RGS7: variants seen among roughly 807,000 people sequenced by gnomAD.
RGS7 encodes the protein regulator of G-protein signaling 7.
In RGS7, 27 loss-of-function variants were observed where a neutral mutation model predicts 81.1. The observed-to-expected ratio is 0.33, with a 90% CI of 0.25 to 0.46. The LOEUF (loss-of-function observed/expected upper bound fraction) is 0.46, where lower values mean the gene tolerates loss of function less well. RGS7 is among the 20% of genes least tolerant of loss of function. The pLI is 1.00. For synonymous variants in RGS7, 208 were observed against 207.7 expected, an observed-to-expected ratio of 1.00 and a Z score of -0.01; for missense variants, 396 against 607.4, an observed-to-expected ratio of 0.65 and a Z score of 3.66.
At chr1:241,193,573 G>T (rs1257621126) in intron 2 of RGS7, among the ~76,000 whole-genome samples, 1 of 152,182 alleles carries the variant, frequency 6.6e-6, no homozygotes, top group Non-Finnish European at 1.5e-5. Context: ...TGTTCAATAA[G>T]CATAAATTAA....
intron 6 of RGS7, among the ~76,000 whole-genome samples, chr1:240,886,750 A>G (rs1572601068): frequency 6.6e-6 from 1 of 152,212 alleles, no homozygotes; most frequent in Non-Finnish European, 1.5e-5. Flanking sequence ...GAATAGAAAA[A>G]GGGCAATTTT....
At chr1:240,866,282 C>T (rs1032738326) in intron 9 of RGS7, among the ~76,000 whole-genome samples, 1 of 152,102 alleles carries the variant, frequency 6.6e-6, no homozygotes, top group African/African-American at 2.4e-5. Context: ...GAGGCTGAGG[C>T]GCGTGGATCA....
At chr1:240,816,538 T>A in intron 10 of RGS7, 123 bp from the exon 11 acceptor site, 1 of 687,908 alleles carries the variant, frequency 1.5e-6, no homozygotes, top group Non-Finnish European at 2.5e-6. Flanking sequence ...TTAAGCTTCT[T>A]AACAAAATTC....
chr1:240,822,907 G>A (rs1692057607), intron 10 of RGS7: 3 of 405,766 alleles, frequency 7.4e-6, no homozygotes, highest in Non-Finnish European at 1.4e-5. Context: ...AGATGAGGCT[G>A]GATAGTAATA....
chr1:241,247,066 T>C (rs994595508), intron 2 of RGS7, among the ~76,000 whole-genome samples: 1 of 152,066 alleles, frequency 6.6e-6, no homozygotes, highest in African/African-American at 2.4e-5. Flanking sequence ...ATTGTACATA[T>C]GTTCTTTAAA....
rs1019575403 is a variant in RGS7, at chr1:241,029,948, A to G, written c.176-46819T>C. ...CAATACGTGAAGCGGAGAGGCACAGATAACAGGCACCTCCATTACACCAAT... is the reference window on the plus strand; with the variant it reads ...CAATACGTGAAGCGGAGAGGCACAGGTAACAGGCACCTCCATTACACCAAT... On this transcript the variant is annotated intron_variant, in intron 3 of 18. Transcript: ENST00000440928. Among the ~76,000 whole-genome samples, 8 of 152,366 alleles carry G rather than the reference A, an allele frequency of 5.3e-5. No individual in the cohort carries two copies. In the South Asian group the frequency reaches 6.2e-4, roughly 12 times the overall value.
At chr1:240,930,081 G>GA in intron 6 of RGS7, among the ~76,000 whole-genome samples, 1 of 152,280 alleles carries the variant, frequency 6.6e-6, no homozygotes, top group South Asian at 2.1e-4. Context: ...AAACTGTACT[G>GA]TTCAGGAAGA....
chr1:241,319,343 T>C (rs74440934), intron 2 of RGS7, among the ~76,000 whole-genome samples: 2 of 152,046 alleles, frequency 1.3e-5, no homozygotes, highest in Non-Finnish European at 2.9e-5. Context: ...AAAAGAAAAA[T>C]ACAAGAATAT....
At chr1:241,089,372 C>G (rs934584398) in intron 3 of RGS7, among the ~76,000 whole-genome samples, 1 of 151,736 alleles carries the variant, frequency 6.6e-6, no homozygotes, top group Non-Finnish European at 1.5e-5. Context: ...ATTGATTATT[C>G]TGAGGTAAAG....
intron 10 of RGS7, chr1:240,823,077 A>T (rs1241495014): frequency 1.3e-6 from 1 of 786,038 alleles, no homozygotes; most frequent in Non-Finnish European, 2.2e-6. Context: ...TGTCACCTGG[A>T]ATTGCTGAAA....
chr1:240,917,841 A>G (rs1672849309), intron 6 of RGS7, among the ~76,000 whole-genome samples: 1 of 152,192 alleles, frequency 6.6e-6, no homozygotes, highest in African/African-American at 2.4e-5. Context: ...TATAAAACAG[A>G]ACCAACTATA....
rs554224382 is a variant in RGS7, at chr1:241,144,069, G to A, written c.79-45307C>T. ...CAGCCCATGATATTTTCTTATAGCC[G>A]CCTGAGTGGACTAAGGCAGTAATGT... On this transcript the variant is annotated intron_variant, in intron 2 of 18. Transcript: ENST00000440928. The surrounding 1 kb of genome is among the most constrained non-coding windows in gnomAD (Gnocchi z 4.7). 1.1e-4 allele frequency among the ~76,000 whole-genome samples: 17 copies of A among 152,102 alleles called. No homozygotes were observed. Among genetic ancestry groups the A allele is most frequent in the Non-Finnish European group, 2.2e-4 (15 of 67,992 alleles).
intron 3 of RGS7, among the ~76,000 whole-genome samples, chr1:241,062,193 T>C (rs2061776411): frequency 6.6e-6 from 1 of 152,204 alleles, no homozygotes; most frequent in South Asian, 2.1e-4. Flanking sequence ...TTGTTTAGCA[T>C]TGTGTATTCA....
chr1:241,334,426 A>G lies in RGS7; in HGVS notation c.78+21273T>C, dbSNP rs571534297. Among the ~76,000 whole-genome samples the G allele has an allele frequency of 4.3e-3, 661 of 152,184 alleles. 5 individuals carry two copies. The highest frequency in any genetic ancestry group is 4.5e-3 in the Non-Finnish European group (303 of 67,988). ...TGGGTCATAAAGATCATTCCACAAC[A>G]TGGGATTCTTTGATCATCTCAGTGA... On this transcript the variant is annotated intron_variant, in intron 2 of 18. Coordinates refer to ENST00000440928, the MANE Select transcript of RGS7 (RefSeq NM_001364886.1).
At chr1:240,885,537 G>A (rs1243351873) in intron 6 of RGS7, among the ~76,000 whole-genome samples, 1 of 152,168 alleles carries the variant, frequency 6.6e-6, no homozygotes, top group Non-Finnish European at 1.5e-5. Flanking sequence ...AAAATGTGGT[G>A]CAGCTACATC....
intron 3 of RGS7, among the ~76,000 whole-genome samples, chr1:241,065,084 C>T (rs2061982699): frequency 6.6e-6 from 1 of 152,008 alleles, no homozygotes; most frequent in Non-Finnish European, 1.5e-5. Flanking sequence ...ACCTCCACCA[C>T]TTATTAGTTA....
intron 9 of RGS7, among the ~76,000 whole-genome samples, chr1:240,840,683 A>G (rs1378162412): frequency 6.6e-6 from 1 of 152,136 alleles, no homozygotes; most frequent in Non-Finnish European, 1.5e-5. Context: ...TATTTTTATC[A>G]TATCACTTAC....
At chr1:240,999,242 A>C (rs1434850852) in intron 3 of RGS7, among the ~76,000 whole-genome samples, 1 of 151,538 alleles carries the variant, frequency 6.6e-6, no homozygotes, top group Non-Finnish European at 1.5e-5. Flanking sequence ...GCATATTATT[A>C]TTATTATTAT....
chr1:240,827,067 C>T (rs1692964688), intron 10 of RGS7, 31 bp downstream of exon 10: 1 of 1,568,562 alleles, frequency 6.4e-7, no homozygotes, highest in Non-Finnish European at 8.8e-7. Flanking sequence ...CAATCCATCA[C>T]CAAGATCAGC....
Sources: allele counts gnomAD v4.1 joint callset (sites outside exome capture counted in the v4.1 genomes callset), GRCh38; gene constraint gnomAD v4.1.1; non-coding constraint Gnocchi (gnomAD v3.1); transcripts MANE v1.5; gene names NCBI Gene and HGNC (gene_info 2026-07-23, HGNC 2026-07-21).